The following INTS6 variants were observed in gnomAD, a reference collection of about 807,000 sequenced individuals.
The protein encoded by INTS6 is integrator complex subunit 6.
Under a neutral mutation model 104.9 loss-of-function variants are expected in INTS6, and 16 were observed. That is an observed-to-expected ratio of 0.15 (90% CI 0.10 to 0.23). The LOEUF (loss-of-function observed/expected upper bound fraction) is 0.23. Among genes scored for constraint, INTS6 ranks in the 10% least tolerant of loss-of-function variants. The pLI is 1.00. For missense variants in INTS6, 584 were observed against 1,062.8 expected (o/e 0.55, Z 6.26); for synonymous variants, 324 against 358.7 (o/e 0.90, Z 1.09).
the INTS6 span, among the ~76,000 whole-genome samples, chr13:51,337,121 G>T: frequency 6.6e-6 from 1 of 152,218 alleles, no homozygotes; most frequent in South Asian, 2.1e-4. Flanking sequence ...TCTTTTAACA[G>T]TGCCCATGTC....
At chr13:51,451,331 C>A (rs1953037199) in intron 2 of INTS6, 157 bp from the exon 3 acceptor site, 3 of 461,172 alleles carry the variant, frequency 6.5e-6, no homozygotes, top group Non-Finnish European at 7.2e-6. Context: ...AACTCTCTTC[C>A]AAAGGTGGCC....
intron 4 of INTS6, among the ~76,000 whole-genome samples, chr13:51,398,116 A>C (rs1218448594): frequency 2.0e-5 from 3 of 152,226 alleles, no homozygotes; most frequent in Non-Finnish European, 4.4e-5. Flanking sequence ...AAAATCCGCT[A>C]TAGTTTAAAT....
At chr13:51,400,575 T>C (rs1956418333) in intron 4 of INTS6, among the ~76,000 whole-genome samples, 1 of 152,206 alleles carries the variant, frequency 6.6e-6, no homozygotes, top group Non-Finnish European at 1.5e-5. Flanking sequence ...TGCACTAGAA[T>C]GTCACCTCTT....
chr13:51,403,743 C>T (rs959494026), intron 4 of INTS6, among the ~76,000 whole-genome samples: 3 of 152,026 alleles, frequency 2.0e-5, no homozygotes, highest in Admixed American at 6.5e-5. Flanking sequence ...CTATTTACTT[C>T]GCAGCCTATC....
intron 17 of INTS6, among the ~76,000 whole-genome samples, 192 bp downstream of exon 17, chr13:51,367,613 A>T (rs1273418450): frequency 1.3e-5 from 2 of 152,100 alleles, no homozygotes; most frequent in Non-Finnish European, 2.9e-5. Context: ...ATTCCTGAAG[A>T]ATGTATGTGT....
intron 3 of INTS6, among the ~76,000 whole-genome samples, chr13:51,433,086 G>C (rs1957125817): frequency 6.6e-6 from 1 of 152,094 alleles, no homozygotes. Context: ...AGCTCTAAAA[G>C]CCACCACAGC....
chr13:51,339,454 G>C, the INTS6 span: 1 of 152,312 alleles, frequency 6.6e-6, no homozygotes, highest in Non-Finnish European at 1.5e-5. Flanking sequence ...AAGGCTTGAC[G>C]GGTGTGGCTG....
chr13:51,388,043 A>G (rs867092625), intron 6 of INTS6, among the ~76,000 whole-genome samples: 1 of 152,240 alleles, frequency 6.6e-6, no homozygotes, highest in Non-Finnish European at 1.5e-5. Flanking sequence ...AGACCAAAGC[A>G]CCTACCTTTA....
intron 4 of INTS6, among the ~76,000 whole-genome samples, chr13:51,408,891 T>G (rs1390025576): frequency 6.6e-6 from 1 of 152,210 alleles, no homozygotes; most frequent in South Asian, 2.1e-4. Flanking sequence ...ATCACTTTAA[T>G]ATATTTCTTT....
chr13:51,429,786 ATAT>A lies in INTS6; in HGVS notation c.429+505_429+507del, dbSNP rs1261298058. On this transcript the variant is annotated intron_variant, in intron 4 of 17. Transcript: ENST00000311234. ...CTCAAAAAAAAAAAAAAAAAAAAAA[ATAT>A]ATATATATATATATATATATGTATA... 6.4e-3 allele frequency among the ~76,000 whole-genome samples: 519 copies of A among 81,676 alleles called. 5 individuals are homozygous for A. The highest frequency in any genetic ancestry group is 0.014 in the African/African-American group (258 of 17,872). The allele number at this position is 81,676 out of a possible 152,430, so 53.6% of individuals were successfully genotyped here.
intron 4 of INTS6, among the ~76,000 whole-genome samples, chr13:51,399,733 C>A (rs1298047517): frequency 1.4e-5 from 2 of 143,804 alleles, no homozygotes; most frequent in African/African-American, 2.5e-5. Context: ...CGTGTGTGTG[C>A]GTGTGTGTAG....
rs1335269020 is a variant in INTS6 at position 51,364,137 on chromosome 13, T to C, written c.*1615A>G. 2 of 515,962 alleles carry C rather than the reference T, an allele frequency of 3.9e-6. No individual in the cohort carries two copies. Among genetic ancestry groups the C allele is most frequent in the African/African-American group, 2.0e-5 (1 of 50,312 alleles). The allele number at this position is 515,962 out of a possible 1,614,324, so 32.0% of individuals were successfully genotyped here. A position where few individuals can be genotyped will look rare whatever the true frequency, so the allele number is the denominator to read the frequency against. ...CCTTAACAATTCCATCTATTAAATG[T>C]TATCTTGCATTACTTAAAAGTATTT... is the stretch of plus-strand genomic sequence containing the variant. On this transcript the variant is annotated 3_prime_UTR_variant, in exon 18 of 18. Coordinates refer to ENST00000311234, the MANE Select transcript of INTS6 (RefSeq NM_012141.3).
chr13:51,389,480 A>C, intron 5 of INTS6, 36 bp from the exon 6 acceptor site: 1 of 1,554,704 alleles, frequency 6.4e-7, no homozygotes, highest in Non-Finnish European at 8.6e-7. Flanking sequence ...GAAGAAGAAG[A>C]ATATAGTAAA....
the INTS6 span, chr13:51,341,266 C>T: frequency 6.2e-7 from 1 of 1,614,000 alleles, no homozygotes; most frequent in Non-Finnish European, 8.5e-7. Flanking sequence ...TGGTGTGTCC[C>T]TCCCCCTGGA....
chr13:51,425,580 T>C (rs1012690903), intron 4 of INTS6, among the ~76,000 whole-genome samples: 1 of 152,082 alleles, frequency 6.6e-6, no homozygotes, highest in Non-Finnish European at 1.5e-5. Context: ...TACACTATCC[T>C]GGAATGTCAT....
At chr13:51,340,471 AT>A in the INTS6 span, among the ~76,000 whole-genome samples, 1 of 152,146 alleles carries the variant, frequency 6.6e-6, no homozygotes, top group Non-Finnish European at 1.5e-5. Context: ...TATTCTCAAA[AT>A]TTTATATACC....
At chr13:51,340,128 C>T in the INTS6 span, among the ~76,000 whole-genome samples, 936 of 152,200 alleles carry the variant, frequency 6.1e-3, 10 homozygotes, top group African/African-American at 0.022. Flanking sequence ...TGAGTGTGAG[C>T]GTGAGTAGCA....
intron 4 of INTS6, among the ~76,000 whole-genome samples, chr13:51,419,299 G>C (rs888650520): frequency 2.6e-5 from 4 of 152,088 alleles, no homozygotes; most frequent in African/African-American, 9.7e-5. Flanking sequence ...CAATCCATAA[G>C]GTTCCCATCT....
intron 4 of INTS6, among the ~76,000 whole-genome samples, chr13:51,396,509 A>G (rs1375910088): frequency 6.6e-6 from 1 of 152,222 alleles, no homozygotes; most frequent in Non-Finnish European, 1.5e-5. Context: ...TACAAACAGA[A>G]TCCACATATT....
Sources: gnomAD v4.1 joint callset for allele counts (sites outside exome capture counted in the v4.1 genomes callset) on GRCh38, gnomAD v4.1.1 for gene constraint, MANE v1.5 for transcripts, NCBI Gene and HGNC (gene_info 2026-07-23, HGNC 2026-07-21) for gene names.